PRSS16: variants seen among roughly 807,000 people sequenced by gnomAD.
The protein encoded by PRSS16 is thymus-specific serine protease.
PRSS16 carries 43 observed loss-of-function variants against 61.7 expected under a neutral mutation model. That is an observed-to-expected ratio of 0.70 (90% CI 0.55 to 0.90). The LOEUF is 0.90. Ranked by LOEUF, PRSS16 falls within the 40% of genes least tolerant of loss-of-function variation. The pLI is 0.00. For synonymous variants in PRSS16, 273 were observed against 285.2 expected (o/e 0.96, Z 0.43); for missense variants, 591 against 659.1 (o/e 0.90, Z 1.13).
In PRSS16 at chr6:27,252,785, T is replaced by C. The variant is rs1445272333; in HGVS notation, c.1009-23T>C. On this transcript the variant is annotated intron_variant, in intron 8 of 11. Coordinates refer to ENST00000230582, the MANE Select transcript of PRSS16 (RefSeq NM_005865.4). The surrounding 1 kb of genome is among the most constrained non-coding windows in gnomAD (Gnocchi z 4.2). ...GGGAAGAGAGGAGGAATTTATGTCT[T>C]ATGTATGTACATTGTTCCCTAGATT... 1.2e-6 allele frequency: 2 copies of C among 1,613,698 alleles called. No individual in the cohort carries two copies. Among genetic ancestry groups the C allele is most frequent in the Non-Finnish European group, 1.7e-6 (2 of 1,179,926 alleles).
Position 27,251,907 on chromosome 6 carries a change from T to C in PRSS16, c.875T>C (p.Val292Ala). The part of the protein sequence containing the change: ...AELLGALQAL[V>A]GGVVQYDGQT... ...CTGTTGGGGGCGCTGCAGGCACTGG[T>C]GGGAGGTGTAGTGCAGTATGATGGG... Residue 292 changes from valine (V) to alanine (A), a missense_variant, in exon 8 of 12, where the codon GTG (valine) becomes GCG (alanine). Val to Ala is a moderately conservative substitution (Grantham distance 64, BLOSUM62 0). Transcript: ENST00000230582. This position sits in a 1 kb window ranked among gnomAD's most constrained non-coding sequence, Gnocchi z 5.6. 6.2e-7 allele frequency: 1 copy of C among 1,612,816 alleles called. No homozygotes were observed. Among genetic ancestry groups the C allele is most frequent in the Non-Finnish European group, 8.5e-7 (1 of 1,179,682 alleles).
At position 27,255,652 on chromosome 6, in the gene PRSS16, G is replaced by A. The variant is rs780715790; in HGVS notation, c.*337G>A. On this transcript the variant is annotated 3_prime_UTR_variant, in exon 12 of 12. Transcript: ENST00000230582. The surrounding 1 kb of genome is among the most constrained non-coding windows in gnomAD (Gnocchi z 4.4). ...TCTGCCACTCCAGCTCCTGGGTTAG[G>A]GGCTTTGCTGTAAGTTTCTTTTTCT... is the stretch of plus-strand genomic sequence containing the variant. The A allele has an allele frequency of 1.6e-5, 4 of 245,982 alleles. No individual in the cohort carries two copies. Among genetic ancestry groups the A allele is most frequent in the Non-Finnish European group, 3.2e-5 (4 of 124,542 alleles). The allele number at this position is 245,982 out of a possible 1,614,324, so 15.2% of individuals were successfully genotyped here.
At chr6:27,248,558 C>T (rs1338731788) in intron 2 of PRSS16, among the ~76,000 whole-genome samples, 5 of 151,998 alleles carry the variant, frequency 3.3e-5, no homozygotes, top group African/African-American at 4.8e-5. Context: ...TCTTATTTTA[C>T]AATTATTACT....
rs1759902737 is a variant in PRSS16, at chr6:27,251,600, TG to T, written c.718-145del. On this transcript the variant is annotated intron_variant, in intron 7 of 11. Coordinates refer to ENST00000230582, the MANE Select transcript of PRSS16 (RefSeq NM_005865.4). This position sits in a 1 kb window ranked among gnomAD's most constrained non-coding sequence, Gnocchi z 5.6. Reference sequence around the variant, plus strand: ...AGGCAGGGGATTGGGGGCGGGGGCCTGGGGGCGGGGGCCTGGGCCAAGAGCT... The same window carrying T: ...AGGCAGGGGATTGGGGGCGGGGGCCTGGGGCGGGGGCCTGGGCCAAGAGCT... 2 of 408,128 alleles carry T rather than the reference TG, an allele frequency of 4.9e-6. No homozygotes were observed. Among genetic ancestry groups the T allele is most frequent in the African/African-American group, 1.4e-4 (1 of 7,286 alleles). The allele number at this position is 408,128 out of a possible 1,614,324, so 25.3% of individuals were successfully genotyped here. A position where few individuals can be genotyped will look rare whatever the true frequency, so the allele number is the denominator to read the frequency against.
Position 27,252,920 on chromosome 6 carries a change from T to A in PRSS16, c.1121T>A (p.Leu374Ter). ...TCTGGTGTGGGTGACCGGCAGTGGT[T>A]GTATCAGACATGTACCGAGTTCGGC... is the stretch of plus-strand genomic sequence containing the variant. Reference protein sequence around the residue: ...QLSGVGDRQWLYQTCTEFGFY... With the variant: ...QLSGVGDRQW The change falls in exon 9 of 12, where the codon TTG (leucine) becomes TAG (stop). Residue 374 changes from leucine to a stop codon, truncating the protein, a stop_gained. Coordinates refer to ENST00000230582, the MANE Select transcript of PRSS16 (RefSeq NM_005865.4). LOFTEE classifies it high-confidence loss of function. The surrounding 1 kb of genome is among the most constrained non-coding windows in gnomAD (Gnocchi z 4.2). The A allele has an allele frequency of 6.2e-7, 1 of 1,614,002 alleles. No individual in the cohort carries two copies. Among genetic ancestry groups the A allele is most frequent in the Non-Finnish European group, 8.5e-7 (1 of 1,179,884 alleles).
chr6:27,253,191 T>G (rs1759956455), intron 9 of PRSS16: 7 of 529,138 alleles, frequency 1.3e-5, no homozygotes. Context: ...CAGCCTATTC[T>G]TTCTCTGTGT....
At position 27,251,683 on chromosome 6, in the gene PRSS16, G is replaced by C; in HGVS notation, c.718-67G>C. The C allele has an allele frequency of 1.3e-6, 2 of 1,527,544 alleles. No individual in the cohort carries two copies. Among genetic ancestry groups the C allele is most frequent in the Non-Finnish European group, 1.7e-6 (2 of 1,149,372 alleles). The allele number at this position is 1,527,544 out of a possible 1,614,324, so 94.6% of individuals were successfully genotyped here. ...AAGTGGGGAACCCAAGGAGGACGCA[G>C]GTCCTGGGTAGGGAAAGCCGAGGCC... On this transcript the variant is annotated intron_variant, in intron 7 of 11. Transcript: ENST00000230582. The surrounding 1 kb of genome is among the most constrained non-coding windows in gnomAD (Gnocchi z 5.6).
Position 27,255,312 on chromosome 6 carries a change from C to A in PRSS16, c.1542C>A (p.Val514=). Residue 514 remains valine (V), a synonymous_variant, in exon 12 of 12, where the codon GTC becomes GTA. Transcript: ENST00000230582. The surrounding 1 kb of genome is among the most constrained non-coding windows in gnomAD (Gnocchi z 4.4). ...AGGAGAGCCAGATTAAGGGTGAAGT[C>A]TGAATCTCATACCCTTTCCACTCCC... ...LAKESQIKGE[V] 1 of 1,606,910 alleles carries A rather than the reference C, an allele frequency of 6.2e-7. No individual in the cohort carries two copies. Among genetic ancestry groups the A allele is most frequent in the South Asian group, 1.1e-5 (1 of 90,198 alleles).
chr6:27,251,768 G>C lies in PRSS16; in HGVS notation c.736G>C (p.Val246Leu). 6.2e-7 allele frequency: 1 copy of C among 1,605,766 alleles called. No individual in the cohort carries two copies. The highest frequency in any genetic ancestry group is 1.7e-5 in the Admixed American group (1 of 58,010). ...CCCACAGTGCCGGGCGGCGGTGTCC[G>C]TCGCCTTCGCTGAAGTGGAGCGGCG... ...GSLECRAAVSVAFAEVERRLR... is the reference protein window; with the variant it reads ...GSLECRAAVSLAFAEVERRLR... The change falls in exon 8 of 12, where the codon GTC (valine) becomes CTC (leucine). Residue 246 changes from valine to leucine, a missense_variant. Coordinates refer to ENST00000230582, the MANE Select transcript of PRSS16 (RefSeq NM_005865.4). The surrounding 1 kb of genome is among the most constrained non-coding windows in gnomAD (Gnocchi z 5.6).
Position 27,251,255 on chromosome 6 carries a change from G to C in PRSS16, c.708G>C (p.Gly236=), listed in dbSNP as rs771846749. The stretch of plus-strand genomic sequence containing the variant: ...GCCTAATGAGCACCGCGATCGGCGG[G>C]TCCCTGGAGGTAGGAGGTGGGGCCT... ...SRSLMSTAIG[G]SLECRAAVSV... The change falls in exon 7 of 12, where the codon GGG becomes GGC. Residue 236 remains glycine, a synonymous_variant. Transcript: ENST00000230582. This position sits in a 1 kb window ranked among gnomAD's most constrained non-coding sequence, Gnocchi z 5.6. 2 of 1,606,560 alleles carry C rather than the reference G, an allele frequency of 1.2e-6. No individual in the cohort carries two copies. Among genetic ancestry groups the C allele is most frequent in the African/African-American group, 2.7e-5 (2 of 74,862 alleles).
At chr6:27,247,846 G>T in intron 1 of PRSS16, 36 bp from the exon 2 acceptor site, 1 of 1,613,106 alleles carries the variant, frequency 6.2e-7, no homozygotes. Flanking sequence ...CATCCTAAGG[G>T]GGCCAGCCTG....
chr6:27,254,599 T>C, intron 9 of PRSS16, 94 bp from the exon 10 acceptor site: 5 of 1,222,116 alleles, frequency 4.1e-6, no homozygotes, highest in Non-Finnish European at 5.9e-6. Flanking sequence ...TTAGAAATGT[T>C]CTGGTCATCA....
chr6:27,247,863 T>C lies in PRSS16; in HGVS notation c.71-19T>C. On this transcript the variant is annotated intron_variant, in intron 1 of 11. Coordinates refer to ENST00000230582, the MANE Select transcript of PRSS16 (RefSeq NM_005865.4). ...TCCTAAGGGGGCCAGCCTGACTTCC[T>C]TCCCTCCATGTCCCACAGCCTCCCT... 1 of 1,612,566 alleles carries C rather than the reference T, an allele frequency of 6.2e-7. No individual in the cohort carries two copies. The highest frequency in any genetic ancestry group is 8.5e-7 in the Non-Finnish European group (1 of 1,179,304).
rs185312781 is a variant in PRSS16, at chr6:27,247,937, C to T, written c.126C>T (p.Ala42=). 1.3e-5 allele frequency: 21 copies of T among 1,604,328 alleles called. No individual in the cohort carries two copies. Among genetic ancestry groups the T allele is most frequent in the Admixed American group, 8.5e-5 (5 of 58,652 alleles). The change falls in exon 2 of 12, where the codon GCC becomes GCT. Residue 42 remains alanine (A), a synonymous_variant. Coordinates refer to ENST00000230582, the MANE Select transcript of PRSS16 (RefSeq NM_005865.4). Reference sequence around the variant, plus strand: ...TTCAGCAGTTTCAGGAGAGCTCTGCCCAGGGCCTGGGCCTGAGCCTGGGGC... The same window carrying T: ...TTCAGCAGTTTCAGGAGAGCTCTGCTCAGGGCCTGGGCCTGAGCCTGGGGC... The part of the protein sequence containing the change: ...EHIQQFQESS[A]QGLGLSLGPG...
At chr6:27,254,670 C>T in intron 9 of PRSS16, 23 bp from the exon 10 acceptor site, 2 of 1,588,150 alleles carry the variant, frequency 1.3e-6, no homozygotes, top group South Asian at 2.2e-5. Flanking sequence ...TATACCCACA[C>T]TTACAGGTAT....
chr6:27,255,207 G>T lies in PRSS16; in HGVS notation c.1477-40G>T, dbSNP rs200080419. Reference sequence around the variant, plus strand: ...TTGCATGTTCCCTCCTTCTGCTGGTGCTGAAATCTGACTTTCAAATTCTTC... The same window carrying T: ...TTGCATGTTCCCTCCTTCTGCTGGTTCTGAAATCTGACTTTCAAATTCTTC... On this transcript the variant is annotated intron_variant, in intron 11 of 11. Transcript: ENST00000230582. This position sits in a 1 kb window ranked among gnomAD's most constrained non-coding sequence, Gnocchi z 4.4. 3.0e-5 allele frequency: 48 copies of T among 1,613,680 alleles called. No individual in the cohort carries two copies. The East Asian group carries it at 1.0e-3, about 35-fold the overall frequency.
rs1760018966 is a variant in PRSS16 at position 27,255,850 on chromosome 6, T to A, written c.*535T>A. 6.5e-6 allele frequency: 1 copy of A among 154,158 alleles called. No individual in the cohort carries two copies. Among genetic ancestry groups the A allele is most frequent in the African/African-American group, 2.4e-5 (1 of 41,474 alleles). 9.5% of individuals were successfully genotyped at this position (154,158 alleles called of 1,614,324 possible). A position where few individuals can be genotyped will look rare whatever the true frequency, so the allele number is the denominator to read the frequency against. ...TTTCTGTCTATTTCTCTGTTTATCT[T>A]TCTGTCCTTCAATCTGTGTTTTTGT... On this transcript the variant is annotated 3_prime_UTR_variant, in exon 12 of 12. Coordinates refer to ENST00000230582, the MANE Select transcript of PRSS16 (RefSeq NM_005865.4). This position sits in a 1 kb window ranked among gnomAD's most constrained non-coding sequence, Gnocchi z 4.4.
At position 27,251,575 on chromosome 6, in the gene PRSS16, A is replaced by T; in HGVS notation, c.718-175A>T. On this transcript the variant is annotated intron_variant, in intron 7 of 11. Coordinates refer to ENST00000230582, the MANE Select transcript of PRSS16 (RefSeq NM_005865.4). The surrounding 1 kb of genome is among the most constrained non-coding windows in gnomAD (Gnocchi z 5.6). ...GGAAGACCCGAGAAGGAGGGCTGCG[A>T]GGCAGGGGATTGGGGGCGGGGGCCT... is the stretch of plus-strand genomic sequence containing the variant. 2 of 389,340 alleles carry T rather than the reference A, an allele frequency of 5.1e-6. No homozygotes were observed. Among genetic ancestry groups the T allele is most frequent in the Non-Finnish European group, 7.3e-6 (2 of 274,036 alleles). The allele number at this position is 389,340 out of a possible 1,614,324, so 24.1% of individuals were successfully genotyped here.
intron 4 of PRSS16, 142 bp downstream of exon 4, chr6:27,249,371 T>C: frequency 9.1e-7 from 1 of 1,101,476 alleles, no homozygotes; most frequent in Non-Finnish European, 1.3e-6. Context: ...CTGTGTTTCA[T>C]AGGGTCTTGT....
Sources: gnomAD v4.1 joint callset for allele counts (sites outside exome capture counted in the v4.1 genomes callset) on GRCh38, gnomAD v4.1.1 for gene constraint, Gnocchi (gnomAD v3.1) non-coding constraint, MANE v1.5 for transcripts, NCBI Gene and HGNC (gene_info 2026-07-23, HGNC 2026-07-21) for gene names.